The following DSCAM variants were observed in gnomAD, a reference collection of about 807,000 sequenced individuals.
DSCAM encodes the protein DS cell adhesion molecule, also known as cell adhesion molecule DSCAM.
DSCAM carries 47 observed loss-of-function variants against 217.7 expected under a neutral mutation model. That is an observed-to-expected ratio of 0.22 (90% CI 0.17 to 0.28). DSCAM has a LOEUF of 0.28. Among genes scored for constraint, DSCAM ranks in the 10% least tolerant of loss-of-function variants. DSCAM has a pLI of 1.00. For missense variants in DSCAM, 2,080 were observed against 2,618.3 expected (o/e 0.79, Z 4.49); for synonymous variants, 1,056 against 1,015.3 (o/e 1.04, Z -0.76).
intron 10 of DSCAM, among the ~76,000 whole-genome samples, chr21:40,293,044 T>G (rs2073913371): frequency 6.6e-6 from 1 of 152,168 alleles, no homozygotes; most frequent in Admixed American, 6.5e-5. Context: ...CCCATTACGA[T>G]ATTTTTCTAA....
chr21:40,143,678 C>T (rs1485570946), intron 17 of DSCAM, among the ~76,000 whole-genome samples: 1 of 152,136 alleles, frequency 6.6e-6, no homozygotes, highest in East Asian at 1.9e-4. Context: ...GCAGTCCCAG[C>T]TACTCGGGAG....
intron 3 of DSCAM, among the ~76,000 whole-genome samples, chr21:40,580,971 GAA>G (rs1185204307): frequency 6.6e-6 from 1 of 152,208 alleles, no homozygotes; most frequent in Non-Finnish European, 1.5e-5. Flanking sequence ...GCAGTAAACT[GAA>G]AGGACTTCGA....
At chr21:40,515,860 T>G (rs2076295222) in intron 3 of DSCAM, among the ~76,000 whole-genome samples, 1 of 152,140 alleles carries the variant, frequency 6.6e-6, no homozygotes, top group Non-Finnish European at 1.5e-5. Flanking sequence ...CTTGACTATG[T>G]TTAACGTCAA....
intron 10 of DSCAM, among the ~76,000 whole-genome samples, chr21:40,280,916 G>T (rs1453814413): frequency 6.6e-6 from 1 of 152,142 alleles, no homozygotes; most frequent in Non-Finnish European, 1.5e-5. Flanking sequence ...AAGGAACTGG[G>T]AGTTGGTCTT....
At position 40,144,366 on chromosome 21, in the gene DSCAM, C is replaced by T. The variant is rs2297264; in HGVS notation, c.3259+125G>A. ...GAGGGAAGGCTTTTCCACCCGAGAC[C>T]CCAGGCCCTGCAGGTCACTGCAAAG... On this transcript the variant is annotated intron_variant, in intron 17 of 32. Coordinates refer to ENST00000400454, the MANE Select transcript of DSCAM (RefSeq NM_001389.5). This position sits in a 1 kb window ranked among gnomAD's most constrained non-coding sequence, Gnocchi z 4.8. 0.54 allele frequency: 794,484 copies of T among 1,461,190 alleles called. 221,714 individuals are homozygous for T. The highest frequency in any genetic ancestry group is 0.58 in the South Asian group (44,225 of 75,652). 90.5% of individuals were successfully genotyped at this position (1,461,190 alleles called of 1,614,324 possible). A position where few individuals can be genotyped will look rare whatever the true frequency, so the allele number is the denominator to read the frequency against.
At chr21:40,637,653 A>ATATAAATATATATAAATATATATC (rs1568955410) in intron 3 of DSCAM, among the ~76,000 whole-genome samples, 31 of 12,406 alleles carry the variant, frequency 2.5e-3, no homozygotes, top group Non-Finnish European at 2.1e-3. Flanking sequence ...ATATATATCT[A>ATATAAATATATATAAATATATATC]TATATATATA....
chr21:40,583,490 C>G (rs2076920675), intron 3 of DSCAM, among the ~76,000 whole-genome samples: 1 of 152,184 alleles, frequency 6.6e-6, no homozygotes, highest in Non-Finnish European at 1.5e-5. Flanking sequence ...ACACCTGACT[C>G]TGCTGTCCCC....
rs1321007483 is a variant in DSCAM at position 40,242,144 on chromosome 21, TAAA to T, written c.2356+33950_2356+33952del. ...AAACCTGCATGTGTACCCCTGAACC[TAAA>T]AGTTTTTTTTTTTTTTTTAAAAGAA... On this transcript the variant is annotated intron_variant, in intron 11 of 32. Coordinates refer to ENST00000400454, the MANE Select transcript of DSCAM (RefSeq NM_001389.5). Among the ~76,000 whole-genome samples the T allele has an allele frequency of 2.4e-4, 37 of 151,230 alleles. No homozygotes were observed. In the South Asian group the frequency reaches 7.1e-3, roughly 29 times the overall value.
intron 1 of DSCAM, among the ~76,000 whole-genome samples, chr21:40,845,785 G>A (rs2092140200): frequency 2.0e-5 from 3 of 152,286 alleles, no homozygotes; most frequent in Non-Finnish European, 1.5e-5. Context: ...GTTCCCACAA[G>A]AGAGGAAGCC....
At chr21:40,677,222 A>AAG (rs397695960) in intron 3 of DSCAM, among the ~76,000 whole-genome samples, 3 of 151,832 alleles carry the variant, frequency 2.0e-5, no homozygotes, top group Non-Finnish European at 4.4e-5. Flanking sequence ...ATAAAAAAAA[A>AAG]TGTGTGCATA....
chr21:40,682,665 AGGGGGAGGGGAG>A (rs1568981579), intron 3 of DSCAM, among the ~76,000 whole-genome samples: 1 of 25,760 alleles, frequency 3.9e-5, no homozygotes, highest in Non-Finnish European at 7.9e-5. Context: ...AAGGGAGCGG[AGGGGGAGGGGAG>A]GGGAGGGGAA....
chr21:40,415,529 A>T (rs2075362789), intron 3 of DSCAM, among the ~76,000 whole-genome samples: 1 of 152,262 alleles, frequency 6.6e-6, no homozygotes, highest in Admixed American at 6.5e-5. Flanking sequence ...TTCAAGGAGC[A>T]CAGTTGCTTA....
At chr21:40,236,932 C>A (rs1021691702) in intron 11 of DSCAM, among the ~76,000 whole-genome samples, 3 of 152,160 alleles carry the variant, frequency 2.0e-5, no homozygotes, top group African/African-American at 7.2e-5. Context: ...AATGACTGAA[C>A]AACTGTCTTC....
At chr21:40,060,185 A>G (rs779290979) in intron 28 of DSCAM, among the ~76,000 whole-genome samples, 9 of 152,182 alleles carry the variant, frequency 5.9e-5, no homozygotes, top group Non-Finnish European at 1.0e-4. Flanking sequence ...TACTCTTCCT[A>G]ATTCATGCTG....
rs749781848 is a variant in DSCAM, at chr21:40,156,287, CAGAGAGAGAGAGAGAGAGAGAGAGAGAG to C, written c.3018+10903_3018+10930del. ...GGAAGCTGTGACAGTCAAACTAAGA[CAGAGAGAGAGAGAGAGAGAGAGAGAGAG>C]AGAGAGAGAGAGAGAGAGAGAGAGA... On this transcript the variant is annotated intron_variant, in intron 16 of 32. Transcript: ENST00000400454. Among the ~76,000 whole-genome samples, 430 of 75,758 alleles carry C rather than the reference CAGAGAGAGAGAGAGAGAGAGAGAGAGAG, an allele frequency of 5.7e-3. 5 individuals carry two copies. Among genetic ancestry groups the C allele is most frequent in the Middle Eastern group, 0.023 (2 of 88 alleles). 49.7% of individuals were successfully genotyped at this position (75,758 alleles called of 152,430 possible).
Position 40,055,717 on chromosome 21 carries a change from C to A in DSCAM, c.5035+8G>T. 2 of 1,605,406 alleles carry A rather than the reference C, an allele frequency of 1.2e-6. No homozygotes were observed. Among genetic ancestry groups the A allele is most frequent in the Non-Finnish European group, 1.7e-6 (2 of 1,172,678 alleles). Reference sequence around the variant, plus strand: ...ACTTTGTGTAAAGTGGCAAATAGGGCAGCTTACCAATGGTCTCCATCGTGT... The same window carrying A: ...ACTTTGTGTAAAGTGGCAAATAGGGAAGCTTACCAATGGTCTCCATCGTGT... On this transcript the variant is annotated splice_region_variant and intron_variant, in intron 29 of 32. Transcript: ENST00000400454.
At chr21:40,159,356 T>C (rs907386756) in intron 16 of DSCAM, among the ~76,000 whole-genome samples, 1 of 152,214 alleles carries the variant, frequency 6.6e-6, no homozygotes, top group African/African-American at 2.4e-5. Context: ...AGGACTGCTG[T>C]CTGAGGAAAT....
intron 3 of DSCAM, among the ~76,000 whole-genome samples, chr21:40,408,354 A>G (rs972485724): frequency 6.6e-6 from 1 of 152,130 alleles, no homozygotes; most frequent in African/African-American, 2.4e-5. Context: ...ATAGATTATC[A>G]TTAGAATGGG....
At chr21:40,167,098 A>T in intron 16 of DSCAM, 120 bp downstream of exon 16, 1 of 862,008 alleles carries the variant, frequency 1.2e-6, no homozygotes, top group Non-Finnish European at 1.8e-6. Flanking sequence ...CTTTCAACTT[A>T]ATTTTGAAAA....
Sources: allele counts gnomAD v4.1 joint callset (sites outside exome capture counted in the v4.1 genomes callset), GRCh38; gene constraint gnomAD v4.1.1; non-coding constraint Gnocchi (gnomAD v3.1); transcripts MANE v1.5; gene names NCBI Gene and HGNC (gene_info 2026-07-23, HGNC 2026-07-21).